KIF2A: variants seen among roughly 807,000 people sequenced by gnomAD.
KIF2A encodes kinesin family member 2A.
KIF2A carries 22 observed loss-of-function variants against 100.2 expected under a neutral mutation model. The observed-to-expected ratio is 0.22, with a 90% CI of 0.16 to 0.31. The LOEUF (loss-of-function observed/expected upper bound fraction) is 0.31. KIF2A is among the 10% of genes least tolerant of loss of function. The pLI, the probability that KIF2A is intolerant of heterozygous loss-of-function variation, is 1.00. For synonymous variants in KIF2A, 268 were observed against 285.9 expected (o/e 0.94, Z 0.63); for missense variants, 495 against 898.7 (o/e 0.55, Z 5.74).
intron 1 of KIF2A, among the ~76,000 whole-genome samples, chr5:62,331,602 A>G (rs1419909841): frequency 6.6e-6 from 1 of 152,170 alleles, no homozygotes; most frequent in Non-Finnish European, 1.5e-5. Flanking sequence ...GAAAAAAAAC[A>G]AAATTATAAA....
At chr5:62,377,877 A>G in intron 19 of KIF2A, 115 bp downstream of exon 19, 1 of 545,546 alleles carries the variant, frequency 1.8e-6, no homozygotes, top group Non-Finnish European at 3.1e-6. Context: ...ATATATGTAT[A>G]TGTGTATTTG....
chr5:62,376,618 A>C (rs784900), intron 18 of KIF2A, among the ~76,000 whole-genome samples: 37,413 of 151,690 alleles, frequency 0.25, 4,691 homozygotes, highest in Middle Eastern at 0.3. Context: ...ACGGGGTTTC[A>C]CCATGATGGC....
intron 1 of KIF2A, among the ~76,000 whole-genome samples, chr5:62,328,767 C>T (rs1746501633): frequency 1.3e-5 from 2 of 152,204 alleles, no homozygotes; most frequent in African/African-American, 4.8e-5. Flanking sequence ...GCTGTGATTA[C>T]AGGCGTGAGC....
At chr5:62,347,717 C>T (rs920590807) in intron 2 of KIF2A, among the ~76,000 whole-genome samples, 2 of 151,996 alleles carry the variant, frequency 1.3e-5, no homozygotes, top group Non-Finnish European at 2.9e-5. Flanking sequence ...CCTTGACCTC[C>T]TGGGCTCAAG....
chr5:62,352,859 C>T (rs963941156), intron 5 of KIF2A, 149 bp downstream of exon 5: 3 of 602,244 alleles, frequency 5.0e-6, no homozygotes, highest in Non-Finnish European at 5.3e-6. Context: ...TTAACTTCTT[C>T]TTATTAGTCT....
Position 62,385,461 on chromosome 5 carries a change from CCTCT to C in KIF2A, c.2150-22_2150-19del. 2.6e-6 allele frequency: 4 copies of C among 1,512,288 alleles called. No homozygotes were observed. Among genetic ancestry groups the C allele is most frequent in the Non-Finnish European group, 3.6e-6 (4 of 1,109,354 alleles). 93.7% of individuals were successfully genotyped at this position (1,512,288 alleles called of 1,614,324 possible). A position where few individuals can be genotyped will look rare whatever the true frequency, so the allele number is the denominator to read the frequency against. ...ACTGCGTGTAATACAATACTTATTC[CCTCT>C]TTCTTTTCTTTTTCCAAGATAAAGT... On this transcript the variant is annotated intron_variant, in intron 20 of 20. Coordinates refer to ENST00000407818, the MANE Select transcript of KIF2A (RefSeq NM_001098511.3).
intron 1 of KIF2A, among the ~76,000 whole-genome samples, chr5:62,325,193 C>T (rs1746309427): frequency 6.6e-6 from 1 of 151,966 alleles, no homozygotes; most frequent in Non-Finnish European, 1.5e-5. Flanking sequence ...GGCGTGATCT[C>T]GGCTCACTGA....
chr5:62,367,425 C>T (rs778104254), intron 16 of KIF2A, among the ~76,000 whole-genome samples: 1 of 151,994 alleles, frequency 6.6e-6, no homozygotes, highest in Non-Finnish European at 1.5e-5. Flanking sequence ...TACCACCATA[C>T]CCGGCTAATT....
chr5:62,326,330 T>C (rs965223655), intron 1 of KIF2A, among the ~76,000 whole-genome samples: 5 of 152,148 alleles, frequency 3.3e-5, no homozygotes, highest in African/African-American at 9.7e-5. Flanking sequence ...AGAAATCTTA[T>C]TGATAATGCC....
chr5:62,335,853 A>G (rs1301023399), intron 1 of KIF2A, among the ~76,000 whole-genome samples: 1 of 152,228 alleles, frequency 6.6e-6, no homozygotes, highest in Non-Finnish European at 1.5e-5. Context: ...AAAATGGAAG[A>G]CTTTTAAATA....
chr5:62,321,545 A>G (rs1244512780), intron 1 of KIF2A, among the ~76,000 whole-genome samples: 1 of 151,886 alleles, frequency 6.6e-6, no homozygotes, highest in Admixed American at 6.6e-5. Context: ...GTGTTCATTT[A>G]CCATTTGTTT....
chr5:62,348,302 C>CAT, intron 3 of KIF2A, 135 bp downstream of exon 3: 2 of 731,004 alleles, frequency 2.7e-6, no homozygotes, highest in East Asian at 2.8e-5. Flanking sequence ...CCATCATATT[C>CAT]ATATATATAC....
chr5:62,307,961 G>C (rs185518793), intron 1 of KIF2A, among the ~76,000 whole-genome samples: 4 of 152,126 alleles, frequency 2.6e-5, no homozygotes, highest in African/African-American at 7.2e-5. Context: ...CTTTAGCCTA[G>C]CCTAGTCAGT....
chr5:62,366,756 G>A (rs1039389289), intron 16 of KIF2A, among the ~76,000 whole-genome samples: 14 of 151,804 alleles, frequency 9.2e-5, no homozygotes, highest in African/African-American at 1.9e-4. Flanking sequence ...GCCTGAACCC[G>A]GGAGGCAGAG....
intron 9 of KIF2A, among the ~76,000 whole-genome samples, chr5:62,359,510 T>A (rs926794646): frequency 1.3e-5 from 2 of 152,098 alleles, no homozygotes; most frequent in African/African-American, 4.8e-5. Context: ...TAGAGATATT[T>A]GTGAAGAATA....
rs548908872 is a variant in KIF2A, at chr5:62,368,990, G to A, written c.1646+2509G>A. Among the ~76,000 whole-genome samples the A allele has an allele frequency of 3.9e-5, 6 of 152,110 alleles. No individual in the cohort carries two copies. In the South Asian group the frequency reaches 1.2e-3, roughly 32 times the overall value. On this transcript the variant is annotated intron_variant, in intron 16 of 20. Coordinates refer to ENST00000407818, the MANE Select transcript of KIF2A (RefSeq NM_001098511.3). ...TCAGAATAATTCTTGAGAAAGATGA[G>A]GAACAGCCTAGTGTAATAGATTCTT...
intron 1 of KIF2A, among the ~76,000 whole-genome samples, chr5:62,340,739 G>T (rs575150001): frequency 6.6e-6 from 1 of 151,780 alleles, no homozygotes. Context: ...TTGTTAACAG[G>T]TGTTTACTAC....
chr5:62,315,010 G>A (rs1006030348), intron 1 of KIF2A, among the ~76,000 whole-genome samples: 4 of 151,852 alleles, frequency 2.6e-5, no homozygotes, highest in Admixed American at 1.3e-4. Flanking sequence ...TGATCCACCT[G>A]CCTCAGCCTC....
intron 7 of KIF2A, among the ~76,000 whole-genome samples, chr5:62,356,513 A>G (rs916172146): frequency 6.6e-6 from 1 of 152,250 alleles, no homozygotes; most frequent in Admixed American, 6.5e-5. Context: ...CACAGGCCAT[A>G]CTGTGCTAAT....
Sources: allele counts gnomAD v4.1 joint callset (sites outside exome capture counted in the v4.1 genomes callset), GRCh38; gene constraint gnomAD v4.1.1; transcripts MANE v1.5; gene names NCBI Gene and HGNC (gene_info 2026-07-23, HGNC 2026-07-21).